Variants in SNCG observed in about 807,000 individuals in gnomAD.
The protein encoded by SNCG is synuclein gamma, also known as gamma-synuclein.
In SNCG, 13 loss-of-function variants were observed where a neutral mutation model predicts 16.0. The ratio of observed to expected loss-of-function variants is 0.81; its 90% CI spans 0.53 to 1.29. SNCG has a LOEUF of 1.29. Ranked by LOEUF, SNCG falls within the 50% of genes most tolerant of loss-of-function variation. SNCG has a pLI of 0.00. For synonymous variants in SNCG, 66 were observed against 66.3 expected (o/e 1.00, Z 0.02); for missense variants, 154 against 168.5 (o/e 0.91, Z 0.48).
chr10:86,959,905 G>A lies in SNCG; in HGVS notation c.164-96G>A. On this transcript the variant is annotated intron_variant, in intron 2 of 4. Coordinates refer to ENST00000372017, the MANE Select transcript of SNCG (RefSeq NM_003087.3). The surrounding 1 kb of genome is among the most constrained non-coding windows in gnomAD (Gnocchi z 4.3). The stretch of plus-strand genomic sequence containing the variant: ...CAGGGGAGGGTCCCAGCAGGGCCAG[G>A]GCTCTGAGCTCCTGGGAAGGGGCTG... 1 of 1,530,948 alleles carries A rather than the reference G, an allele frequency of 6.5e-7. No homozygotes were observed. The highest frequency in any genetic ancestry group is 8.8e-7 in the Non-Finnish European group (1 of 1,134,774). 94.8% of individuals were successfully genotyped at this position (1,530,948 alleles called of 1,614,324 possible).
chr10:86,957,004 T>C (rs1396521031), upstream of SNCG, among the ~76,000 whole-genome samples: 1 of 152,212 alleles, frequency 6.6e-6, no homozygotes, highest in South Asian at 2.1e-4. Context: ...CAGGGCAGCC[T>C]TGCTGGGTCT....
chr10:86,958,967 G>A (rs1844287737), intron 1 of SNCG, 149 bp downstream of exon 1: 1 of 825,858 alleles, frequency 1.2e-6, no homozygotes, highest in Non-Finnish European at 1.9e-6. Context: ...AGACCCTGGA[G>A]CACCCACAAT....
At chr10:86,961,162 T>C (rs1181883080) in intron 3 of SNCG, among the ~76,000 whole-genome samples, 3 of 152,102 alleles carry the variant, frequency 2.0e-5, no homozygotes, top group African/African-American at 7.2e-5. Context: ...GGGTGGGGGC[T>C]GCCCTACTCC....
At chr10:86,957,263 A>T, upstream of SNCG, 1 of 1,068,820 alleles carries the variant, frequency 9.4e-7, no homozygotes, top group Non-Finnish European at 1.4e-6. Flanking sequence ...AGAGATAGAT[A>T]CTATTAGCCC....
At chr10:86,957,570 C>T, upstream of SNCG, 1 of 1,581,168 alleles carries the variant, frequency 6.3e-7, no homozygotes, top group Non-Finnish European at 8.6e-7. Context: ...TCAGCTCACA[C>T]TCAGCCTTGG....
rs1256024206 is a variant in SNCG, at chr10:86,959,328, C to G, written c.122-305C>G. ...AGCCAATGACTCAGCTCTGGCCCAT[C>G]CTGTCCTGTTGCTGCTTCTGAGGCC... On this transcript the variant is annotated intron_variant, in intron 1 of 4. Transcript: ENST00000372017. The surrounding 1 kb of genome is among the most constrained non-coding windows in gnomAD (Gnocchi z 4.3). 2 of 541,074 alleles carry G rather than the reference C, an allele frequency of 3.7e-6. No homozygotes were observed. The highest frequency in any genetic ancestry group is 3.9e-5 in the African/African-American group (2 of 51,756). The allele number at this position is 541,074 out of a possible 1,614,324, so 33.5% of individuals were successfully genotyped here.
chr10:86,959,516 C>A lies in SNCG; in HGVS notation c.122-117C>A. The A allele has an allele frequency of 1.2e-6, 1 of 854,770 alleles. No homozygotes were observed. The highest frequency in any genetic ancestry group is 1.9e-6 in the Non-Finnish European group (1 of 517,060). The allele number at this position is 854,770 out of a possible 1,614,324, so 52.9% of individuals were successfully genotyped here. On this transcript the variant is annotated intron_variant, in intron 1 of 4. Coordinates refer to ENST00000372017, the MANE Select transcript of SNCG (RefSeq NM_003087.3). This position sits in a 1 kb window ranked among gnomAD's most constrained non-coding sequence, Gnocchi z 4.3. ...TCTGAAGGGGCCGCCGGCCCCCAGA[C>A]ACCATCCTTACCCCCCCACCGACCC...
rs772689322 is a variant in SNCG at position 86,959,906 on chromosome 10, G to A, written c.164-95G>A. ...AGGGGAGGGTCCCAGCAGGGCCAGG[G>A]CTCTGAGCTCCTGGGAAGGGGCTGC... On this transcript the variant is annotated intron_variant, in intron 2 of 4. Coordinates refer to ENST00000372017, the MANE Select transcript of SNCG (RefSeq NM_003087.3). The surrounding 1 kb of genome is among the most constrained non-coding windows in gnomAD (Gnocchi z 4.3). 5 of 1,529,532 alleles carry A rather than the reference G, an allele frequency of 3.3e-6. No individual in the cohort carries two copies. The highest frequency in any genetic ancestry group is 4.4e-6 in the Non-Finnish European group (5 of 1,133,004). The allele number at this position is 1,529,532 out of a possible 1,614,324, so 94.7% of individuals were successfully genotyped here.
In SNCG at chr10:86,958,726, T is replaced by A. The variant is rs1258404375; in HGVS notation, c.29T>A (p.Ile10Asn). 2 of 1,613,970 alleles carry A rather than the reference T, an allele frequency of 1.2e-6. No individual in the cohort carries two copies. The highest frequency in any genetic ancestry group is 1.7e-5 in the Admixed American group (1 of 60,006). The change falls in exon 1 of 5, where the codon ATC (isoleucine) becomes AAC (asparagine). Residue 10 changes from isoleucine (I) to asparagine (N), a missense_variant. Coordinates refer to ENST00000372017, the MANE Select transcript of SNCG (RefSeq NM_003087.3). MDVFKKGFS[I>N]AKEGVVGAVE... ...GATGTCTTCAAGAAGGGCTTCTCCA[T>A]CGCCAAGGAGGGCGTGGTGGGTGCG...
intron 3 of SNCG, 21 bp from the exon 4 acceptor site, chr10:86,962,583 G>A: frequency 6.3e-7 from 1 of 1,589,876 alleles, no homozygotes; most frequent in Non-Finnish European, 8.6e-7. Context: ...ATGGTCTCAT[G>A]CCCCCTTTTG....
intron 3 of SNCG, among the ~76,000 whole-genome samples, chr10:86,960,592 G>C (rs1483210274): frequency 6.6e-6 from 1 of 152,156 alleles, no homozygotes; most frequent in African/African-American, 2.4e-5. Flanking sequence ...CAGGGAAGTA[G>C]CGTCCCCTAG....
intron 3 of SNCG, among the ~76,000 whole-genome samples, chr10:86,960,522 C>T (rs970534651): frequency 4.6e-5 from 7 of 152,282 alleles, no homozygotes; most frequent in Non-Finnish European, 1.0e-4. Flanking sequence ...CCAGCCCCGC[C>T]CCCAGGGCCT....
chr10:86,956,770 G>A (rs905588109), upstream of SNCG, among the ~76,000 whole-genome samples: 3 of 152,244 alleles, frequency 2.0e-5, no homozygotes, highest in African/African-American at 7.2e-5. Context: ...TTGGAGATGA[G>A]GGGGGACTTA....
rs1844301442 is a variant in SNCG, at chr10:86,959,524, T to C, written c.122-109T>C. ...GGCCGCCGGCCCCCAGACACCATCC[T>C]TACCCCCCCACCGACCCCACAGTTT... On this transcript the variant is annotated intron_variant, in intron 1 of 4. Coordinates refer to ENST00000372017, the MANE Select transcript of SNCG (RefSeq NM_003087.3). This position sits in a 1 kb window ranked among gnomAD's most constrained non-coding sequence, Gnocchi z 4.3. 1 of 901,090 alleles carries C rather than the reference T, an allele frequency of 1.1e-6. No individual in the cohort carries two copies. Among genetic ancestry groups the C allele is most frequent in the Admixed American group, 2.0e-5 (1 of 49,428 alleles). The allele number at this position is 901,090 out of a possible 1,614,324, so 55.8% of individuals were successfully genotyped here.
At chr10:86,958,291 C>T (rs186933052), upstream of SNCG, 929 of 984,334 alleles carry the variant, frequency 9.4e-4, 9 homozygotes, top group African/African-American at 0.015. Context: ...AGCATAGACA[C>T]AGCACCCCTG....
Position 86,959,331 on chromosome 10 carries a change from G to C in SNCG, c.122-302G>C. The C allele has an allele frequency of 1.8e-6, 1 of 545,714 alleles. No homozygotes were observed. Among genetic ancestry groups the C allele is most frequent in the Non-Finnish European group, 3.3e-6 (1 of 307,408 alleles). 33.8% of individuals were successfully genotyped at this position (545,714 alleles called of 1,614,324 possible). A position where few individuals can be genotyped will look rare whatever the true frequency, so the allele number is the denominator to read the frequency against. On this transcript the variant is annotated intron_variant, in intron 1 of 4. Coordinates refer to ENST00000372017, the MANE Select transcript of SNCG (RefSeq NM_003087.3). The surrounding 1 kb of genome is among the most constrained non-coding windows in gnomAD (Gnocchi z 4.3). Reference sequence around the variant, plus strand: ...CAATGACTCAGCTCTGGCCCATCCTGTCCTGTTGCTGCTTCTGAGGCCCGG... The same window carrying C: ...CAATGACTCAGCTCTGGCCCATCCTCTCCTGTTGCTGCTTCTGAGGCCCGG...
At position 86,958,637 on chromosome 10, in the gene SNCG, G is replaced by GCAGC. The variant is rs1448958155; in HGVS notation, c.-60_-57dup. The GCAGC allele has an allele frequency of 6.2e-7, 1 of 1,607,884 alleles. No homozygotes were observed. ...GCAGCACTCGAGCCAGCTCAAGCCC[G>GCAGC]CAGCTCGCAGGGAGATCCAGCTCCG... On this transcript the variant is annotated 5_prime_UTR_variant, in exon 1 of 5. Transcript: ENST00000372017.
At chr10:86,957,803 C>T, upstream of SNCG, 1 of 1,277,112 alleles carries the variant, frequency 7.8e-7, no homozygotes, top group Non-Finnish European at 9.9e-7. Flanking sequence ...ATGTGGTAGA[C>T]ATGGGGTGGC....
chr10:86,963,105 T>A lies in SNCG; in HGVS notation c.*120T>A. The A allele has an allele frequency of 2.9e-6, 3 of 1,047,910 alleles. No homozygotes were observed. The highest frequency in any genetic ancestry group is 5.4e-5 in the Admixed American group (2 of 36,904). 64.9% of individuals were successfully genotyped at this position (1,047,910 alleles called of 1,614,324 possible). ...GCGGCTGCCCACGCTCCTGCCCTCG[T>A]CTCCCTGGCCACCCTTGGCCTGTCC... On this transcript the variant is annotated 3_prime_UTR_variant, in exon 5 of 5. Transcript: ENST00000372017.
Sources: allele counts gnomAD v4.1 joint callset (sites outside exome capture counted in the v4.1 genomes callset), GRCh38; gene constraint gnomAD v4.1.1; non-coding constraint Gnocchi (gnomAD v3.1); transcripts MANE v1.5; gene names NCBI Gene and HGNC (gene_info 2026-07-23, HGNC 2026-07-21).